GPAT3: variants seen among roughly 807,000 people sequenced by gnomAD.
GPAT3 encodes 1-AGP acyltransferase 9.
In GPAT3, 53 loss-of-function variants were observed where a neutral mutation model predicts 58.8. That is an observed-to-expected ratio of 0.90 (90% confidence interval 0.72 to 1.13). The LOEUF (loss-of-function observed/expected upper bound fraction) is 1.13, where lower values mean the gene tolerates loss of function less well. GPAT3 is among the 50% of genes most tolerant of loss of function. The probability of loss-of-function intolerance (pLI) is 0.00; values close to 1 mark genes in which losing one functional copy is unlikely to be tolerated. For synonymous variants in GPAT3, 197 were observed against 187.4 expected (o/e 1.05, Z -0.42); for missense variants, 511 against 527.6 (o/e 0.97, Z 0.31).
At position 83,543,536 on chromosome 4, in the gene GPAT3, C is replaced by T. The variant is rs535301637; in HGVS notation, c.142-1000C>T. ...AGTTGTTTTCCAGTTCTTAAATTCCCTCAAATCTGTAGATCTTCATAATTG... is the reference window on the plus strand; with the variant it reads ...AGTTGTTTTCCAGTTCTTAAATTCCTTCAAATCTGTAGATCTTCATAATTG... On this transcript the variant is annotated intron_variant, in intron 1 of 11. Coordinates refer to ENST00000264409, the MANE Select transcript of GPAT3 (RefSeq NM_032717.5). Among the ~76,000 whole-genome samples the T allele has an allele frequency of 3.9e-5, 6 of 152,280 alleles. No homozygotes were observed. The East Asian group carries it at 7.7e-4, about 20-fold the overall frequency.
chr4:83,544,658 C>T, intron 2 of GPAT3, 56 bp downstream of exon 2: 2 of 1,513,428 alleles, frequency 1.3e-6, no homozygotes, highest in Non-Finnish European at 1.8e-6. Flanking sequence ...TGGATGTAAA[C>T]CTACCCAATT....
chr4:83,576,876 G>T (rs569630980), intron 2 of GPAT3, among the ~76,000 whole-genome samples: 4 of 152,150 alleles, frequency 2.6e-5, no homozygotes, highest in Non-Finnish European at 5.9e-5. Context: ...TGGGGAGCAG[G>T]TTATTTACGT....
intron 2 of GPAT3, among the ~76,000 whole-genome samples, chr4:83,557,628 A>G (rs994368673): frequency 6.6e-6 from 1 of 152,224 alleles, no homozygotes; most frequent in African/African-American, 2.4e-5. Flanking sequence ...CTAAACCATG[A>G]TATGTCCTCA....
intron 2 of GPAT3, among the ~76,000 whole-genome samples, chr4:83,562,388 G>A (rs1205469908): frequency 6.6e-6 from 1 of 150,970 alleles, no homozygotes. Flanking sequence ...CTTAGAGGAG[G>A]AGATCTCAAA....
chr4:83,578,972 C>CTTTCTT (rs1254586523), intron 2 of GPAT3, among the ~76,000 whole-genome samples: 2 of 99,922 alleles, frequency 2.0e-5, no homozygotes, highest in African/African-American at 8.2e-5. Flanking sequence ...TTCTTTCTTT[C>CTTTCTT]TTTCTTTCTT....
chr4:83,581,707 A>G lies in GPAT3; in HGVS notation c.354A>G (p.Ser118=), dbSNP rs1726136754. ...ATGAAGTGACCCAGAGGTTTTCCTCAGAGGAGCTAGTGTCATGGAATCTCC... is the reference window on the plus strand; with the variant it reads ...ATGAAGTGACCCAGAGGTTTTCCTCGGAGGAGCTAGTGTCATGGAATCTCC... ...VEDEVTQRFS[S]EELVSWNLLT... is the part of the protein sequence containing the mutation. The change falls in exon 3 of 12, where the codon TCA becomes TCG. Residue 118 remains serine (S), a synonymous_variant. Coordinates refer to ENST00000264409, the MANE Select transcript of GPAT3 (RefSeq NM_032717.5). 6.2e-7 allele frequency: 1 copy of G among 1,614,224 alleles called. No individual in the cohort carries two copies. Among genetic ancestry groups the G allele is most frequent in the Non-Finnish European group, 8.5e-7 (1 of 1,180,044 alleles).
rs2110084488 is a variant in GPAT3, at chr4:83,564,513, A to G, written c.209-17049A>G. Among the ~76,000 whole-genome samples, 3 of 152,180 alleles carry G rather than the reference A, an allele frequency of 2.0e-5. No individual in the cohort carries two copies. In the South Asian group the frequency reaches 6.2e-4, roughly 32 times the overall value. On this transcript the variant is annotated intron_variant, in intron 2 of 11. Transcript: ENST00000264409. ...CAGGAGTTCAAGACCAGCCTGGACAACATAGCAAGACCTTCTCTCTACAAA... is the reference window on the plus strand; with the variant it reads ...CAGGAGTTCAAGACCAGCCTGGACAGCATAGCAAGACCTTCTCTCTACAAA...
chr4:83,594,613 G>C (rs1279980720), intron 6 of GPAT3, among the ~76,000 whole-genome samples: 2 of 152,092 alleles, frequency 1.3e-5, no homozygotes, highest in African/African-American at 4.8e-5. Flanking sequence ...TCTACTTTTT[G>C]AAGTTAGAGG....
chr4:83,567,670 T>C (rs1264228560), intron 2 of GPAT3, among the ~76,000 whole-genome samples: 1 of 152,178 alleles, frequency 6.6e-6, no homozygotes, highest in African/African-American at 2.4e-5. Flanking sequence ...TGGTGGCTTA[T>C]GCCTGTAATC....
At chr4:83,550,178 C>A (rs1724702166) in intron 2 of GPAT3, among the ~76,000 whole-genome samples, 1 of 151,442 alleles carries the variant, frequency 6.6e-6, no homozygotes, top group Non-Finnish European at 1.5e-5. Context: ...TTTTCTTTTT[C>A]TTTTTTTTCA....
intron 1 of GPAT3, among the ~76,000 whole-genome samples, chr4:83,540,509 A>C (rs1456799416): frequency 6.6e-6 from 1 of 152,136 alleles, no homozygotes; most frequent in Non-Finnish European, 1.5e-5. Flanking sequence ...AGAAATAGCT[A>C]TTTATGGGGA....
chr4:83,544,471 T>C (rs1387466050), intron 1 of GPAT3, 65 bp from the exon 2 acceptor site: 46 of 1,479,106 alleles, frequency 3.1e-5, no homozygotes, highest in South Asian at 2.5e-4. Flanking sequence ...TGTATAATCA[T>C]GGTTGAAGTG....
chr4:83,545,087 T>C (rs1426284856), intron 2 of GPAT3, among the ~76,000 whole-genome samples: 1 of 152,222 alleles, frequency 6.6e-6, no homozygotes, highest in Non-Finnish European at 1.5e-5. Flanking sequence ...TCACATACTA[T>C]ACTTGCCTTT....
At chr4:83,535,944 T>C (rs879714001), upstream of GPAT3, 1 of 985,430 alleles carries the variant, frequency 1.0e-6, no homozygotes, top group Non-Finnish European at 1.2e-6. Flanking sequence ...AAAGGACCTT[T>C]GCTGAGTGCT....
In GPAT3 at chr4:83,588,135, C is replaced by A. The variant is rs1329553235; in HGVS notation, c.555-75C>A. 16 of 1,291,910 alleles carry A rather than the reference C, an allele frequency of 1.2e-5. No homozygotes were observed. In the East Asian group the frequency reaches 3.2e-4, roughly 26 times the overall value. 80.0% of individuals were successfully genotyped at this position (1,291,910 alleles called of 1,614,324 possible). ...AATGTGGTATGCTGTTGTGAAAAAG[C>A]ACATTAAAACCTTTATTATATTGTT... is the stretch of plus-strand genomic sequence containing the variant. On this transcript the variant is annotated intron_variant, in intron 4 of 11. Transcript: ENST00000264409.
chr4:83,596,888 A>T lies in GPAT3; in HGVS notation c.885A>T (p.Lys295Asn), dbSNP rs1243096007. Residue 295 changes from lysine to asparagine, a missense_variant, in exon 8 of 12, where the codon AAA becomes AAT. Coordinates refer to ENST00000264409, the MANE Select transcript of GPAT3 (RefSeq NM_032717.5). ...RLKEHIADKK[K>N]LPILIFPEGT... ...AAGAACATATTGCTGATAAGAAGAA[A>T]CTACCCATACTAATTTTTCCTGAAG... 2 of 1,600,240 alleles carry T rather than the reference A, an allele frequency of 1.2e-6. No individual in the cohort carries two copies. Among genetic ancestry groups the T allele is most frequent in the Non-Finnish European group, 8.5e-7 (1 of 1,176,818 alleles).
At chr4:83,548,736 T>C (rs112048468) in intron 2 of GPAT3, among the ~76,000 whole-genome samples, 20 of 152,292 alleles carry the variant, frequency 1.3e-4, no homozygotes, top group African/African-American at 4.6e-4. Context: ...ACACAAAGAC[T>C]GTGGTCTCAT....
At chr4:83,568,319 G>T (rs1725479664) in intron 2 of GPAT3, among the ~76,000 whole-genome samples, 1 of 152,086 alleles carries the variant, frequency 6.6e-6, no homozygotes. Context: ...AAAACCAAAG[G>T]AGATGCATTT....
intron 1 of GPAT3, among the ~76,000 whole-genome samples, chr4:83,541,393 C>CTTTTTTTTT (rs777665390): frequency 8.8e-6 from 1 of 113,692 alleles, no homozygotes; most frequent in Non-Finnish European, 1.7e-5. Context: ...AATTTAAAAC[C>CTTTTTTTTT]TTTTTTTTTT....
Sources: allele counts gnomAD v4.1 joint callset (sites outside exome capture counted in the v4.1 genomes callset), GRCh38; gene constraint gnomAD v4.1.1; transcripts MANE v1.5; gene names NCBI Gene and HGNC (gene_info 2026-07-23, HGNC 2026-07-21).